The following TYW1 variants were observed in gnomAD, a reference collection of about 807,000 sequenced individuals.
TYW1 encodes S-adenosyl-L-methionine-dependent tRNA 4-demethylwyosine synthase TYW1.
A neutral mutation model predicts 96.2 loss-of-function variants in TYW1; 46 were observed. The ratio of observed to expected loss-of-function variants is 0.48; its 90% CI spans 0.38 to 0.61. The LOEUF (loss-of-function observed/expected upper bound fraction) is 0.61. Ranked by LOEUF, TYW1 falls within the 20% of genes least tolerant of loss-of-function variation. The pLI, the probability that TYW1 is intolerant of heterozygous loss-of-function variation, is 0.00. For missense variants in TYW1, 684 were observed against 909.6 expected (o/e 0.75, Z 3.19); for synonymous variants, 274 against 323.0 (o/e 0.85, Z 1.63).
intron 3 of TYW1, among the ~76,000 whole-genome samples, chr7:67,001,885 TTAGC>T (rs1793404448): frequency 6.6e-6 from 1 of 151,736 alleles, no homozygotes; most frequent in South Asian, 2.1e-4. Flanking sequence ...ATACAAAAAA[TTAGC>T]TGGGCGTGGT....
At chr7:67,094,692 C>CA (rs1441193758) in intron 11 of TYW1, among the ~76,000 whole-genome samples, 33 of 107,524 alleles carry the variant, frequency 3.1e-4, no homozygotes, top group Admixed American at 7.1e-4. Flanking sequence ...GTGTGTGTGT[C>CA]AAGCACAGCT....
intron 14 of TYW1, among the ~76,000 whole-genome samples, chr7:67,189,597 A>AG (rs1382603295): frequency 6.6e-6 from 1 of 152,206 alleles, no homozygotes; most frequent in Non-Finnish European, 1.5e-5. Flanking sequence ...AGCCTAGGAC[A>AG]GGTTATTCAT....
At chr7:67,019,841 A>C (rs980508943) in intron 6 of TYW1, among the ~76,000 whole-genome samples, 2 of 152,292 alleles carry the variant, frequency 1.3e-5, no homozygotes, top group Admixed American at 1.3e-4. Flanking sequence ...GTGATTAGCT[A>C]TGCACTGTTG....
chr7:67,117,687 A>C, intron 13 of TYW1, 69 bp downstream of exon 13: 4 of 1,375,090 alleles, frequency 2.9e-6, no homozygotes, highest in Non-Finnish European at 3.8e-6. Flanking sequence ...AGAAGAAAGA[A>C]AGATGGAAGA....
rs1443058405 is a variant in TYW1 at position 67,184,628 on chromosome 7, TTTTATTTTATTTTATTTTATTTATG to T, written c.1809+1395_1809+1419del. On this transcript the variant is annotated intron_variant, in intron 14 of 15. Coordinates refer to ENST00000359626, the MANE Select transcript of TYW1 (RefSeq NM_018264.4). Reference sequence around the variant, plus strand: ...TTTTATTTTATTTTATTTTATTTTATTTTATTTTATTTTATTTTATTTATGTTATGTTATGTTATGTTATGTTATG... The same window carrying T: ...TTTTATTTTATTTTATTTTATTTTATTTATGTTATGTTATGTTATGTTATG... Among the ~76,000 whole-genome samples the T allele has an allele frequency of 4.6e-3, 455 of 98,004 alleles. 4 individuals are homozygous for T. The highest frequency in any genetic ancestry group is 0.028 in the East Asian group (117 of 4,238). The allele number at this position is 98,004 out of a possible 152,430, so 64.3% of individuals were successfully genotyped here.
chr7:67,067,204 T>C, intron 9 of TYW1, 81 bp from the exon 10 acceptor site: 1 of 1,438,904 alleles, frequency 6.9e-7, no homozygotes, highest in Non-Finnish European at 9.8e-7. Context: ...ACACATGGTT[T>C]CTCTTAAAAA....
chr7:67,119,489 C>T (rs966681365), intron 13 of TYW1, among the ~76,000 whole-genome samples: 6 of 152,168 alleles, frequency 3.9e-5, no homozygotes, highest in African/African-American at 1.2e-4. Context: ...ACCACCTTCT[C>T]CCTTCTGAGT....
chr7:67,208,923 A>G (rs1251390829), intron 15 of TYW1, among the ~76,000 whole-genome samples: 1 of 152,136 alleles, frequency 6.6e-6, no homozygotes. Flanking sequence ...CCACATGCGA[A>G]TCATTTCTTA....
At chr7:67,207,070 C>T (rs1800824557) in intron 15 of TYW1, among the ~76,000 whole-genome samples, 1 of 152,182 alleles carries the variant, frequency 6.6e-6, no homozygotes, top group Non-Finnish European at 1.5e-5. Flanking sequence ...CACCCCAATT[C>T]ACCTTGTGTA....
intron 7 of TYW1, among the ~76,000 whole-genome samples, chr7:67,046,365 A>G (rs1193681743): frequency 6.6e-6 from 1 of 152,090 alleles, no homozygotes; most frequent in Non-Finnish European, 1.5e-5. Context: ...CCTGACCTAC[A>G]ACCTGGGGGT....
chr7:67,224,013 A>G (rs1405707827), intron 15 of TYW1, among the ~76,000 whole-genome samples: 1 of 152,010 alleles, frequency 6.6e-6, no homozygotes, highest in East Asian at 1.9e-4. Flanking sequence ...TTTAAAATTT[A>G]TACTTAGTTG....
chr7:67,212,744 G>C (rs62465002), intron 15 of TYW1, among the ~76,000 whole-genome samples: 6,104 of 151,910 alleles, frequency 0.04, 177 homozygotes, highest in Middle Eastern at 0.092. Context: ...GCTTTAATTT[G>C]AAATTTTCTG....
intron 13 of TYW1, among the ~76,000 whole-genome samples, chr7:67,130,242 G>A (rs1396319129): frequency 6.6e-6 from 1 of 151,932 alleles, no homozygotes; most frequent in Non-Finnish European, 1.5e-5. Flanking sequence ...TCAGTTGGGT[G>A]TGGTGGTGGG....
chr7:67,002,129 C>T (rs1161507571), intron 3 of TYW1, among the ~76,000 whole-genome samples: 2 of 151,460 alleles, frequency 1.3e-5, no homozygotes, highest in African/African-American at 2.4e-5. Flanking sequence ...TTCACTGCAG[C>T]CTCGACCTCT....
At chr7:67,191,796 G>C in intron 14 of TYW1, among the ~76,000 whole-genome samples, 1 of 151,874 alleles carries the variant, frequency 6.6e-6, no homozygotes. Flanking sequence ...TCTGCCCAGA[G>C]CATTTCTGTC....
At chr7:67,125,786 C>CAGA (rs1428663640) in intron 13 of TYW1, among the ~76,000 whole-genome samples, 1 of 152,180 alleles carries the variant, frequency 6.6e-6, no homozygotes, top group East Asian at 1.9e-4. Flanking sequence ...CGTAGCTTTG[C>CAGA]CTTTTCCAGA....
chr7:67,161,926 CCTT>C (rs1484709605), intron 13 of TYW1, among the ~76,000 whole-genome samples: 2 of 152,124 alleles, frequency 1.3e-5, no homozygotes, highest in East Asian at 3.9e-4. Context: ...GACTGAGTCA[CCTT>C]CTAAAGAGTC....
intron 7 of TYW1, among the ~76,000 whole-genome samples, chr7:67,042,652 G>A (rs908360356): frequency 5.9e-5 from 9 of 152,056 alleles, no homozygotes; most frequent in African/African-American, 2.2e-4. Context: ...TGATTGAATT[G>A]GAGAATGGGT....
intron 14 of TYW1, among the ~76,000 whole-genome samples, chr7:67,192,370 A>G (rs896970124): frequency 3.3e-5 from 5 of 152,216 alleles, no homozygotes; most frequent in Non-Finnish European, 5.9e-5. Context: ...TTGCTGAGTA[A>G]TAAAATATTA....
Sources: allele counts gnomAD v4.1 joint callset (sites outside exome capture counted in the v4.1 genomes callset), GRCh38; gene constraint gnomAD v4.1.1; transcripts MANE v1.5; gene names NCBI Gene and HGNC (gene_info 2026-07-23, HGNC 2026-07-21).